The following HECW1 variants were observed in gnomAD, a reference collection of about 807,000 sequenced individuals.
HECW1 encodes E3 ubiquitin-protein ligase HECW1.
Under a neutral mutation model 182.3 loss-of-function variants are expected in HECW1, and 61 were observed. The ratio of observed to expected loss-of-function variants is 0.33; its 90% confidence interval spans 0.27 to 0.41. The LOEUF (loss-of-function observed/expected upper bound fraction) is 0.41, where lower values mean the gene tolerates loss of function less well. Among genes scored for constraint, HECW1 ranks in the 10% least tolerant of loss-of-function variants. HECW1 has a pLI of 1.00. For missense variants in HECW1, 1,739 were observed against 2,108.9 expected (o/e 0.82, Z 3.44); for synonymous variants, 859 against 832.6 (o/e 1.03, Z -0.55).
At chr7:43,274,553 AC>A in intron 3 of HECW1, 1 of 538,332 alleles carries the variant, frequency 1.9e-6, no homozygotes, top group South Asian at 1.6e-5. Flanking sequence ...GCCACGCTTC[AC>A]CACCAAGAGG....
At chr7:43,555,028 A>G (rs1217369244) in intron 29 of HECW1, among the ~76,000 whole-genome samples, 4 of 152,192 alleles carry the variant, frequency 2.6e-5, no homozygotes, top group South Asian at 2.1e-4. Flanking sequence ...ATCTTGGTCC[A>G]TGTGTCAGTT....
intron 17 of HECW1, among the ~76,000 whole-genome samples, chr7:43,482,020 A>G (rs1310932209): frequency 2.0e-5 from 3 of 151,528 alleles, no homozygotes; most frequent in Middle Eastern, 3.4e-3. Context: ...TCTAACACAT[A>G]TGATGAAAGG....
At chr7:43,128,531 C>CT (rs1324559087) in intron 2 of HECW1, among the ~76,000 whole-genome samples, 2 of 152,212 alleles carry the variant, frequency 1.3e-5, no homozygotes, top group Admixed American at 6.5e-5. Flanking sequence ...TGACAATGCA[C>CT]TTGGTCACCC....
intron 2 of HECW1, among the ~76,000 whole-genome samples, chr7:43,222,093 A>G (rs977186459): frequency 1.3e-5 from 2 of 152,204 alleles, no homozygotes; most frequent in Non-Finnish European, 2.9e-5. Flanking sequence ...CCTCTAGGCC[A>G]GCGTTCCTCA....
chr7:43,263,981 A>G (rs1056319186), intron 3 of HECW1, among the ~76,000 whole-genome samples: 2 of 152,244 alleles, frequency 1.3e-5, no homozygotes, highest in Non-Finnish European at 2.9e-5. Context: ...GGATTATCCC[A>G]ACAAATATAT....
chr7:43,391,329 T>G (rs2075021613), intron 6 of HECW1, among the ~76,000 whole-genome samples: 1 of 152,192 alleles, frequency 6.6e-6, no homozygotes, highest in South Asian at 2.1e-4. Context: ...ATGAAAACTC[T>G]CTTCCTCCCC....
intron 13 of HECW1, among the ~76,000 whole-genome samples, chr7:43,457,957 TAAC>T (rs1336409275): frequency 6.6e-6 from 1 of 152,048 alleles, no homozygotes; most frequent in African/African-American, 2.4e-5. Context: ...TTTAAGTCAT[TAAC>T]AAAAACCATA....
intron 3 of HECW1, among the ~76,000 whole-genome samples, chr7:43,255,731 AG>A (rs550475208): frequency 2.4e-3 from 358 of 152,322 alleles, no homozygotes; most frequent in Middle Eastern, 6.8e-3. Flanking sequence ...GAGCCAAGCC[AG>A]CCCCAGCTTA....
chr7:43,157,119 A>G (rs1218383009), intron 2 of HECW1, among the ~76,000 whole-genome samples: 1 of 152,192 alleles, frequency 6.6e-6, no homozygotes, highest in Non-Finnish European at 1.5e-5. Flanking sequence ...AGGAATTTAC[A>G]TTCAATAGGA....
chr7:43,527,815 C>T (rs1019635247), intron 24 of HECW1, among the ~76,000 whole-genome samples: 1 of 152,106 alleles, frequency 6.6e-6, no homozygotes, highest in Admixed American at 6.5e-5. Context: ...TTTCCAAAAG[C>T]CCCCAAAGGC....
Position 43,456,308 on chromosome 7 carries a change from C to T in HECW1, c.2512C>T (p.Arg838Ter), listed in dbSNP as rs1429160303. 1.2e-6 allele frequency: 2 copies of T among 1,611,798 alleles called. No individual in the cohort carries two copies. Among genetic ancestry groups the T allele is most frequent in the Non-Finnish European group, 8.5e-7 (1 of 1,178,638 alleles). Residue 838 changes from arginine to a stop codon, truncating the protein, a stop_gained, in exon 13 of 30, where the codon CGA becomes TGA. Transcript: ENST00000395891. LOFTEE classifies it high-confidence loss of function. ...DEPLPPNWEA[R>*]IDSHGRVFYV... ...TTATTAAACACTAGACTGGGAAGCT[C>T]GAATTGACAGCCACGGGCGGGTCTT...
intron 2 of HECW1, among the ~76,000 whole-genome samples, chr7:43,205,739 A>T (rs1795414007): frequency 1.3e-5 from 2 of 152,178 alleles, no homozygotes; most frequent in Non-Finnish European, 2.9e-5. Context: ...CCTCAGTTTC[A>T]TCATGGTCAG....
At chr7:43,501,183 C>CTTTTCTTTTT in intron 20 of HECW1, 30 bp from the exon 21 acceptor site, 1 of 744,856 alleles carries the variant, frequency 1.3e-6, no homozygotes, top group Non-Finnish European at 2.1e-6. Context: ...TCTTTTCTTT[C>CTTTTCTTTTT]TTTTTTTTTT....
rs1268757069 is a variant in HECW1, at chr7:43,508,048, G to A, written c.3783G>A (p.Glu1261=). 9 of 1,613,826 alleles carry A rather than the reference G, an allele frequency of 5.6e-6. No homozygotes were observed. Among genetic ancestry groups the A allele is most frequent in the African/African-American group, 2.7e-5 (2 of 74,898 alleles). Residue 1261 remains glutamate, a synonymous_variant, in exon 23 of 30, where the codon GAG becomes GAA. Transcript: ENST00000395891. ...TTATTCGCCGGGATCATTTGTTGGA[G>A]GGAACCTTCAATCAGGTGATGGCCT... ...KLIIRRDHLL[E]GTFNQVMAYS...
intron 2 of HECW1, among the ~76,000 whole-genome samples, chr7:43,117,165 C>G (rs1220222560): frequency 1.3e-5 from 2 of 152,162 alleles, no homozygotes; most frequent in East Asian, 3.8e-4. Flanking sequence ...AGTATGCAAT[C>G]TCCAAAATGT....
At chr7:43,555,199 C>T (rs1045985236) in intron 29 of HECW1, among the ~76,000 whole-genome samples, 1 of 152,188 alleles carries the variant, frequency 6.6e-6, no homozygotes, top group African/African-American at 2.4e-5. Flanking sequence ...TTCATAGGAT[C>T]ATTATATATT....
intron 2 of HECW1, among the ~76,000 whole-genome samples, chr7:43,242,734 G>C (rs563166182): frequency 6.6e-6 from 1 of 152,244 alleles, no homozygotes; most frequent in African/African-American, 2.4e-5. Flanking sequence ...CTCCAAGGAG[G>C]AAGGCAGTGC....
intron 8 of HECW1, among the ~76,000 whole-genome samples, chr7:43,409,400 G>A (rs1281327081): frequency 6.6e-6 from 1 of 152,222 alleles, no homozygotes; most frequent in Non-Finnish European, 1.5e-5. Flanking sequence ...TGGGGGGAAA[G>A]GCTTCTCTCT....
chr7:43,484,843 C>T (rs776033734), intron 17 of HECW1, among the ~76,000 whole-genome samples: 5 of 152,180 alleles, frequency 3.3e-5, no homozygotes, highest in Non-Finnish European at 5.9e-5. Flanking sequence ...TATTCAAGCA[C>T]CAGCAAAGCA....
Sources: gnomAD v4.1 joint callset for allele counts (sites outside exome capture counted in the v4.1 genomes callset) on GRCh38, gnomAD v4.1.1 for gene constraint, MANE v1.5 for transcripts, NCBI Gene and HGNC (gene_info 2026-07-23, HGNC 2026-07-21) for gene names.